C2CD3: variants seen among roughly 807,000 people sequenced by gnomAD.
The protein encoded by C2CD3 is C2 domain-containing protein 3.
Under a neutral mutation model 234.0 loss-of-function variants are expected in C2CD3, and 148 were observed. The ratio of observed to expected loss-of-function variants is 0.63; its 90% CI spans 0.55 to 0.72. The LOEUF (loss-of-function observed/expected upper bound fraction) is 0.72. C2CD3 is among the 30% of genes least tolerant of loss of function. C2CD3 has a pLI of 0.00. For missense variants in C2CD3, 2,577 were observed against 2,811.5 expected, an observed-to-expected ratio of 0.92 and a Z score of 1.89; for synonymous variants, 1,000 against 1,035.4, an observed-to-expected ratio of 0.97 and a Z score of 0.66.
intron 29 of C2CD3, 71 bp from the exon 30 acceptor site, chr11:74,037,769 T>G: frequency 8.5e-7 from 1 of 1,182,852 alleles, no homozygotes; most frequent in Non-Finnish European, 1.2e-6. Flanking sequence ...TTATGTCCCC[T>G]GGACACTACC....
At chr11:74,038,932 C>T (rs1024982498) in intron 29 of C2CD3, among the ~76,000 whole-genome samples, 4 of 152,166 alleles carry the variant, frequency 2.6e-5, no homozygotes. Context: ...GCATGGACAC[C>T]AAATACCTGT....
Position 74,170,899 on chromosome 11 carries a change from C to G in C2CD3, c.-107G>C. On this transcript the variant is annotated 5_prime_UTR_variant, in exon 1 of 33. Coordinates refer to ENST00000334126, the MANE Select transcript of C2CD3 (RefSeq NM_001286577.2). ...GCCTGCGTTCCCCGGCAACCGGCGC[C>G]GCTGGGCAGCCTGGGAGGCAGGAAA... 6.6e-6 allele frequency: 10 copies of G among 1,506,814 alleles called. No homozygotes were observed. The highest frequency in any genetic ancestry group is 2.6e-5 in the East Asian group (1 of 38,380). 93.3% of individuals were successfully genotyped at this position (1,506,814 alleles called of 1,614,324 possible).
chr11:74,114,304 T>C, intron 10 of C2CD3, 80 bp downstream of exon 10: 1 of 912,548 alleles, frequency 1.1e-6, no homozygotes, highest in Non-Finnish European at 1.8e-6. Context: ...CAAATCACAG[T>C]ATTATGCAAT....
chr11:74,134,436 A>T (rs1957791790), intron 5 of C2CD3, among the ~76,000 whole-genome samples: 1 of 152,220 alleles, frequency 6.6e-6, no homozygotes, highest in African/African-American at 2.4e-5. Context: ...AGACTGCTTG[A>T]GTCTAGGAGT....
intron 23 of C2CD3, among the ~76,000 whole-genome samples, chr11:74,076,872 A>G (rs750971575): frequency 3.3e-5 from 5 of 152,294 alleles, no homozygotes; most frequent in Non-Finnish European, 5.9e-5. Context: ...CTGTGTTCCC[A>G]TAGCACCAAG....
rs1414318237 is a variant in C2CD3 at position 74,110,434 on chromosome 11, C to T, written c.1844-1282G>A. The T allele has an allele frequency of 1.3e-5, 2 of 152,210 alleles. 1 individual carries two copies. The highest frequency in any genetic ancestry group is 4.1e-4 in the South Asian group (2 of 4,828). The allele number at this position is 152,210 out of a possible 1,614,324, so 9.4% of individuals were successfully genotyped here. A position where few individuals can be genotyped will look rare whatever the true frequency, so the allele number is the denominator to read the frequency against. On this transcript the variant is annotated intron_variant, in intron 11 of 32. Transcript: ENST00000334126. ...ACTGTTGGACAGGATCTGGACCTTG[C>T]TATGTGGATCAATGCACAGGAACTA...
rs1413855182 is a variant in C2CD3 at position 74,160,773 on chromosome 11, T to C, written c.483+626A>G. Among the ~76,000 whole-genome samples, 6 of 152,206 alleles carry C rather than the reference T, an allele frequency of 3.9e-5. No individual in the cohort carries two copies. The East Asian group carries it at 9.7e-4, about 25-fold the overall frequency. On this transcript the variant is annotated intron_variant, in intron 3 of 32. Coordinates refer to ENST00000334126, the MANE Select transcript of C2CD3 (RefSeq NM_001286577.2). Reference sequence around the variant, plus strand: ...TCACCACAAAGAAAAATAATACATGTTTGAGATGATGGATATGCTAATTAC... The same window carrying C: ...TCACCACAAAGAAAAATAATACATGCTTGAGATGATGGATATGCTAATTAC...
intron 32 of C2CD3, among the ~76,000 whole-genome samples, chr11:74,015,014 G>C (rs532738297): frequency 6.6e-6 from 1 of 152,354 alleles, no homozygotes; most frequent in East Asian, 1.9e-4. Context: ...GGCTAGAAGG[G>C]AAGAAGGAAA....
At chr11:74,155,766 A>G (rs1855971606) in intron 3 of C2CD3, among the ~76,000 whole-genome samples, 1 of 152,198 alleles carries the variant, frequency 6.6e-6, no homozygotes, top group South Asian at 2.1e-4. Context: ...TGTATTGGGT[A>G]CAGTGTTTCT....
chr11:74,090,192 G>C (rs1160066049), intron 20 of C2CD3, among the ~76,000 whole-genome samples: 1 of 152,082 alleles, frequency 6.6e-6, no homozygotes, highest in East Asian at 1.9e-4. Flanking sequence ...GATCATATGG[G>C]GTCTCATAGC....
rs536935014 is a variant in C2CD3 at position 74,060,187 on chromosome 11, G to C, written c.4952-2643C>G. 2.6e-5 allele frequency among the ~76,000 whole-genome samples: 4 copies of C among 152,114 alleles called. No homozygotes were observed. The East Asian group carries it at 7.7e-4, about 29-fold the overall frequency. On this transcript the variant is annotated intron_variant, in intron 24 of 32. Transcript: ENST00000334126. ...GCCTGCCTCTGTAGACTCCACCTCT[G>C]GGGGCAGGGCATAGCTGAATAAAAG... is the stretch of plus-strand genomic sequence containing the variant.
Position 74,170,982 on chromosome 11 carries a change from G to T in C2CD3, c.-190C>A. On this transcript the variant is annotated 5_prime_UTR_variant, in exon 1 of 33. Transcript: ENST00000334126. ...CGGTGCGAAGAGAAGGCGCCAAGACGCCTTCCCTCCAATACACTACAATAC... is the reference window on the plus strand; with the variant it reads ...CGGTGCGAAGAGAAGGCGCCAAGACTCCTTCCCTCCAATACACTACAATAC... The T allele has an allele frequency of 1.5e-6, 2 of 1,340,324 alleles. No individual in the cohort carries two copies. Among genetic ancestry groups the T allele is most frequent in the Non-Finnish European group, 1.0e-6 (1 of 989,710 alleles). The allele number at this position is 1,340,324 out of a possible 1,614,324, so 83.0% of individuals were successfully genotyped here. A position where few individuals can be genotyped will look rare whatever the true frequency, so the allele number is the denominator to read the frequency against.
At chr11:74,096,981 C>T (rs753745532) in intron 16 of C2CD3, among the ~76,000 whole-genome samples, 5 of 151,896 alleles carry the variant, frequency 3.3e-5, no homozygotes, top group Non-Finnish European at 1.5e-5. Flanking sequence ...GAAATCCCAT[C>T]TCTACTAAAA....
chr11:74,087,653 A>G (rs1308465979), intron 20 of C2CD3, among the ~76,000 whole-genome samples: 1 of 152,162 alleles, frequency 6.6e-6, no homozygotes, highest in African/African-American at 2.4e-5. Context: ...TTGCATATGG[A>G]CAGTGAAGGA....
chr11:74,042,795 A>C (rs1403382003), intron 28 of C2CD3, among the ~76,000 whole-genome samples: 1 of 151,948 alleles, frequency 6.6e-6, no homozygotes, highest in Non-Finnish European at 1.5e-5. Flanking sequence ...ATAAATCTGA[A>C]GTAATAATAA....
intron 14 of C2CD3, among the ~76,000 whole-genome samples, chr11:74,102,528 T>C (rs1956354278): frequency 6.6e-6 from 1 of 152,196 alleles, no homozygotes; most frequent in Non-Finnish European, 1.5e-5. Flanking sequence ...AGAAGTGGGT[T>C]GATTTGGAAG....
At chr11:74,073,398 C>T (rs932393253) in intron 24 of C2CD3, among the ~76,000 whole-genome samples, 2 of 151,892 alleles carry the variant, frequency 1.3e-5, no homozygotes, top group African/African-American at 4.8e-5. Context: ...ATCAGCCTGT[C>T]CAACATGGTG....
At chr11:74,121,581 T>C (rs930420781) in intron 8 of C2CD3, among the ~76,000 whole-genome samples, 7 of 124,512 alleles carry the variant, frequency 5.6e-5, no homozygotes, top group African/African-American at 1.8e-4. Context: ...CACTCCAGAC[T>C]GGGTGACAGA....
rs1156367160 is a variant in C2CD3 at position 74,139,681 on chromosome 11, T to G, written c.631A>C (p.Arg211=). The G allele has an allele frequency of 6.2e-7, 1 of 1,613,868 alleles. No homozygotes were observed. The highest frequency in any genetic ancestry group is 8.5e-7 in the Non-Finnish European group (1 of 1,179,906). The part of the protein sequence containing the change: ...PSSTQFQVPS[R]PRDIHTIKID... ...TTGATGGTATGTATGTCGCGAGGCC[T>G]TGATGGAACCTGAAACTGGGTACTG... Residue 211 remains arginine, a synonymous_variant, in exon 4 of 33, where the codon AGG becomes CGG. Coordinates refer to ENST00000334126, the MANE Select transcript of C2CD3 (RefSeq NM_001286577.2).
Sources: gnomAD v4.1 joint callset for allele counts (sites outside exome capture counted in the v4.1 genomes callset) on GRCh38, gnomAD v4.1.1 for gene constraint, MANE v1.5 for transcripts, NCBI Gene and HGNC (gene_info 2026-07-23, HGNC 2026-07-21) for gene names.